The following RAPGEF1 variants were observed in gnomAD, a reference collection of about 807,000 sequenced individuals.
RAPGEF1 encodes the protein Rap guanine nucleotide exchange factor 1.
In RAPGEF1, 33 loss-of-function variants were observed where a neutral mutation model predicts 143.3. That is an observed-to-expected ratio of 0.23 (90% CI 0.17 to 0.31). The LOEUF (loss-of-function observed/expected upper bound fraction) is 0.31. Among genes scored for constraint, RAPGEF1 ranks in the 10% least tolerant of loss-of-function variants. RAPGEF1 has a pLI of 1.00. For synonymous variants in RAPGEF1, 629 were observed against 676.5 expected, an observed-to-expected ratio of 0.93 and a Z score of 1.09; for missense variants, 1,199 against 1,645.4, an observed-to-expected ratio of 0.73 and a Z score of 4.69.
intron 1 of RAPGEF1, among the ~76,000 whole-genome samples, chr9:131,695,963 C>T (rs932820828): frequency 2.0e-5 from 3 of 152,242 alleles, no homozygotes; most frequent in Admixed American, 2.0e-4. Flanking sequence ...GTGGCTGACA[C>T]AAGCTGGATA....
At chr9:131,732,255 TAAC>T (rs1236782119) in intron 1 of RAPGEF1, among the ~76,000 whole-genome samples, 3 of 143,296 alleles carry the variant, frequency 2.1e-5, no homozygotes, top group Non-Finnish European at 4.6e-5. Flanking sequence ...AAAAAAAAAA[TAAC>T]AAGTAGGGAC....
Position 131,652,929 on chromosome 9 carries a change from G to A in RAPGEF1, c.62-1980C>T, listed in dbSNP as rs576770426. Among the ~76,000 whole-genome samples, 16 of 152,218 alleles carry A rather than the reference G, an allele frequency of 1.1e-4. No individual in the cohort carries two copies. In the South Asian group the frequency reaches 1.7e-3, roughly 16 times the overall value. On this transcript the variant is annotated intron_variant, in intron 1 of 26. Transcript: ENST00000683357. Reference sequence around the variant, plus strand: ...CACAAACAGGTGAGTAATGCATTGCGCTGGATGTAATGATGGCTACATCAG... The same window carrying A: ...CACAAACAGGTGAGTAATGCATTGCACTGGATGTAATGATGGCTACATCAG...
At position 131,628,819 on chromosome 9, in the gene RAPGEF1, G is replaced by T; in HGVS notation, c.894-147C>A. On this transcript the variant is annotated intron_variant, in intron 7 of 26. Coordinates refer to ENST00000683357, the MANE Select transcript of RAPGEF1 (RefSeq NM_001377935.1). This position sits in a 1 kb window ranked among gnomAD's most constrained non-coding sequence, Gnocchi z 5.7. ...CTTCAACTCCTGCCTACTCCCCTCC[G>T]CCAAAATAAAACCTGTAAATACCAA... 1.8e-6 allele frequency: 2 copies of T among 1,141,096 alleles called. No individual in the cohort carries two copies. The highest frequency in any genetic ancestry group is 1.2e-6 in the Non-Finnish European group (1 of 818,220). The allele number at this position is 1,141,096 out of a possible 1,614,324, so 70.7% of individuals were successfully genotyped here. A position where few individuals can be genotyped will look rare whatever the true frequency, so the allele number is the denominator to read the frequency against.
At position 131,655,706 on chromosome 9, in the gene RAPGEF1, T is replaced by C. The variant is rs772032128; in HGVS notation, c.62-4757A>G. ...AGGAGGCAGAGCATGCAGTGCAAGA[T>C]TGCACCACTGCACTCCAGCCTGGGC... On this transcript the variant is annotated intron_variant, in intron 1 of 26. Coordinates refer to ENST00000683357, the MANE Select transcript of RAPGEF1 (RefSeq NM_001377935.1). The surrounding 1 kb of genome is among the most constrained non-coding windows in gnomAD (Gnocchi z 4.1). Among the ~76,000 whole-genome samples the C allele has an allele frequency of 2.6e-5, 4 of 152,110 alleles. No homozygotes were observed. Among genetic ancestry groups the C allele is most frequent in the African/African-American group, 4.8e-5 (2 of 41,404 alleles).
intron 5 of RAPGEF1, among the ~76,000 whole-genome samples, chr9:131,635,570 G>C (rs1467458188): frequency 6.6e-6 from 1 of 152,218 alleles, no homozygotes; most frequent in African/African-American, 2.4e-5. Context: ...GTCCCTCCCA[G>C]CTGGGGGAGG....
intron 1 of RAPGEF1, among the ~76,000 whole-genome samples, chr9:131,724,123 G>A (rs1392816857): frequency 1.3e-5 from 2 of 152,218 alleles, no homozygotes; most frequent in Non-Finnish European, 2.9e-5. Flanking sequence ...AGACAGAGGT[G>A]AGTGGCCATG....
rs886922492 is a variant in RAPGEF1, at chr9:131,590,696, G to A, written c.2775-718C>T. On this transcript the variant is annotated intron_variant, in intron 18 of 26. Transcript: ENST00000683357. The stretch of plus-strand genomic sequence containing the variant: ...TGATCCACGACCTTCCAAGTCATGG[G>A]GCTCAGGACAGAGCAACGTACCAGG... Among the ~76,000 whole-genome samples the A allele has an allele frequency of 2.2e-4, 34 of 152,338 alleles. 1 individual carries two copies. Among genetic ancestry groups the A allele is most frequent in the Admixed American group, 9.8e-4 (15 of 15,304 alleles).
At chr9:131,590,752 G>A (rs538862303) in intron 18 of RAPGEF1, among the ~76,000 whole-genome samples, 15 of 152,310 alleles carry the variant, frequency 9.8e-5, no homozygotes, top group Admixed American at 4.6e-4. Flanking sequence ...CACAGGGGTC[G>A]CCAGCCAACC....
At chr9:131,618,152 C>A (rs1432411660) in intron 12 of RAPGEF1, among the ~76,000 whole-genome samples, 1 of 152,372 alleles carries the variant, frequency 6.6e-6, no homozygotes, top group Middle Eastern at 3.4e-3. Flanking sequence ...TGCAATGGAA[C>A]AGGCATCACA....
chr9:131,580,254 G>T lies in RAPGEF1; in HGVS notation c.3641+9C>A, dbSNP rs1232935244. On this transcript the variant is annotated intron_variant, in intron 26 of 26. Transcript: ENST00000683357. The stretch of plus-strand genomic sequence containing the variant: ...CTCTGCCTGGTCCCCCCGGGGCAGT[G>T]GCACTCACGCCTGCTGGAAGCAGCG... The T allele has an allele frequency of 6.2e-6, 10 of 1,613,756 alleles. No homozygotes were observed. Among genetic ancestry groups the T allele is most frequent in the African/African-American group, 1.3e-5 (1 of 75,068 alleles).
chr9:131,627,213 C>CAAAA (rs10690802), intron 9 of RAPGEF1, among the ~76,000 whole-genome samples: 10 of 97,416 alleles, frequency 1.0e-4, no homozygotes, highest in African/African-American at 1.9e-4. Context: ...GGCTCTGTCT[C>CAAAA]AAAAAAAAAA....
intron 1 of RAPGEF1, among the ~76,000 whole-genome samples, chr9:131,705,727 A>G (rs528178257): frequency 1.3e-5 from 2 of 152,212 alleles, no homozygotes; most frequent in Non-Finnish European, 2.9e-5. Context: ...TAAGTCAGAC[A>G]GTATAATGGT....
rs1168565166 is a variant in RAPGEF1, at chr9:131,628,707, C to T, written c.894-35G>A. 1 of 1,561,134 alleles carries T rather than the reference C, an allele frequency of 6.4e-7. No individual in the cohort carries two copies. Among genetic ancestry groups the T allele is most frequent in the African/African-American group, 1.4e-5 (1 of 73,564 alleles). On this transcript the variant is annotated intron_variant, in intron 7 of 26. Transcript: ENST00000683357. The surrounding 1 kb of genome is among the most constrained non-coding windows in gnomAD (Gnocchi z 5.7). The stretch of plus-strand genomic sequence containing the variant: ...ACCGAAACGTCCAGGCAGACCAAAC[C>T]ACACTCACCAAAGCTCTTCAGCGTG...
chr9:131,591,641 G>C (rs1204605984), intron 18 of RAPGEF1, among the ~76,000 whole-genome samples: 3 of 152,192 alleles, frequency 2.0e-5, no homozygotes, highest in African/African-American at 7.2e-5. Context: ...TGACTGTGCT[G>C]ACCCCTGAGC....
chr9:131,715,460 C>G (rs368243593), intron 1 of RAPGEF1, among the ~76,000 whole-genome samples: 8 of 152,042 alleles, frequency 5.3e-5, no homozygotes, highest in African/African-American at 1.7e-4. Flanking sequence ...AGATCCAGGG[C>G]TTTGTCTCAT....
intron 1 of RAPGEF1, among the ~76,000 whole-genome samples, chr9:131,662,747 C>T (rs1003348441): frequency 9.2e-5 from 14 of 151,880 alleles, no homozygotes; most frequent in East Asian, 1.9e-4. Flanking sequence ...TTCACCATTT[C>T]GGCGAACCTG....
At chr9:131,609,208 C>T (rs1202829495) in intron 12 of RAPGEF1, among the ~76,000 whole-genome samples, 1 of 152,072 alleles carries the variant, frequency 6.6e-6, no homozygotes, top group Non-Finnish European at 1.5e-5. Context: ...AACAACTATT[C>T]CTACCTCATG....
intron 1 of RAPGEF1, chr9:131,737,645 G>A (rs1837505304): frequency 5.1e-6 from 7 of 1,372,550 alleles, no homozygotes; most frequent in East Asian, 2.6e-5. Context: ...GGCAGCTCAT[G>A]GGATGACAGG....
chr9:131,713,275 C>G (rs191835726), intron 1 of RAPGEF1, among the ~76,000 whole-genome samples: 1 of 152,276 alleles, frequency 6.6e-6, no homozygotes, highest in Admixed American at 6.5e-5. Flanking sequence ...TATGACTACT[C>G]CAAGCCTCAA....
Sources: allele counts gnomAD v4.1 joint callset (sites outside exome capture counted in the v4.1 genomes callset), GRCh38; gene constraint gnomAD v4.1.1; non-coding constraint Gnocchi (gnomAD v3.1); transcripts MANE v1.5; gene names NCBI Gene and HGNC (gene_info 2026-07-23, HGNC 2026-07-21).